The following NAALADL2 variants were observed in gnomAD, a reference collection of about 807,000 sequenced individuals.
NAALADL2 encodes the protein N-acetylated alpha-linked acidic dipeptidase like 2.
Under a neutral mutation model 87.2 loss-of-function variants are expected in NAALADL2, and 76 were observed. The ratio of observed to expected loss-of-function variants is 0.87; its 90% CI spans 0.72 to 1.05. NAALADL2 has a LOEUF of 1.05. NAALADL2 is among the 50% of genes least tolerant of loss of function. The probability of loss-of-function intolerance (pLI) is 0.00; values close to 1 mark genes in which losing one functional copy is unlikely to be tolerated. For missense variants in NAALADL2, 1,089 were observed against 945.8 expected (o/e 1.15, Z -1.99); for synonymous variants, 354 against 331.0 (o/e 1.07, Z -0.75).
At chr3:174,697,822 T>G (rs774921001) in intron 2 of NAALADL2, among the ~76,000 whole-genome samples, 2 of 152,204 alleles carry the variant, frequency 1.3e-5, no homozygotes, top group African/African-American at 2.4e-5. Context: ...CTGGACGCGG[T>G]GGCTCATGCC....
intron 5 of NAALADL2, among the ~76,000 whole-genome samples, chr3:175,386,653 C>A (rs1388590459): frequency 6.6e-6 from 1 of 152,066 alleles, no homozygotes; most frequent in Non-Finnish European, 1.5e-5. Context: ...ATAAAAAATT[C>A]TGGAAATAAA....
chr3:174,597,902 A>G (rs1341450679), intron 2 of NAALADL2, among the ~76,000 whole-genome samples: 2 of 152,278 alleles, frequency 1.3e-5, no homozygotes, highest in East Asian at 1.9e-4. Context: ...CCTGACTTTG[A>G]ACTGACTCAA....
chr3:175,393,536 C>G (rs1769355755), intron 5 of NAALADL2, among the ~76,000 whole-genome samples: 1 of 151,966 alleles, frequency 6.6e-6, no homozygotes, highest in Admixed American at 6.6e-5. Context: ...AAATGCATAT[C>G]CTTTTCTAAG....
chr3:174,472,835 C>T (rs759396013), intron 1 of NAALADL2, among the ~76,000 whole-genome samples: 4 of 152,150 alleles, frequency 2.6e-5, no homozygotes, highest in Non-Finnish European at 4.4e-5. Context: ...TGTTCAGAAC[C>T]ACATGTTGCA....
chr3:175,277,437 G>A (rs1263036366), intron 4 of NAALADL2, among the ~76,000 whole-genome samples: 1 of 152,046 alleles, frequency 6.6e-6, no homozygotes, highest in African/African-American at 2.4e-5. Context: ...TAAGGTAATG[G>A]TAATGCTGTG....
chr3:174,886,034 C>G (rs2109755295), intron 1 of NAALADL2, among the ~76,000 whole-genome samples: 1 of 151,386 alleles, frequency 6.6e-6, no homozygotes, highest in African/African-American at 2.4e-5. Flanking sequence ...CTGCCTCAGT[C>G]TCCTGAGTAG....
chr3:175,455,414 G>A (rs1581957792), intron 6 of NAALADL2, among the ~76,000 whole-genome samples: 1 of 151,996 alleles, frequency 6.6e-6, no homozygotes, highest in Non-Finnish European at 1.5e-5. Flanking sequence ...ATGATTTGTG[G>A]AAGTGTTTGG....
In NAALADL2 at chr3:174,508,750, A is replaced by C. The variant is rs183295951; in HGVS notation, c.-183-41819A>C. ...TGGTGTCATTTGAAGTGGCACTTAA[A>C]AAATTTTTAATTTCTGGCTGGGCGC... On this transcript the variant is annotated intron_variant, in intron 1 of 3. Transcript: ENST00000434257. Among the ~76,000 whole-genome samples the C allele has an allele frequency of 1.1e-3, 173 of 152,316 alleles. 1 individual carries two copies. Among genetic ancestry groups the C allele is most frequent in the African/African-American group, 4.1e-3 (171 of 41,574 alleles).
chr3:174,979,309 T>C (rs573359192), intron 1 of NAALADL2, among the ~76,000 whole-genome samples: 169 of 141,132 alleles, frequency 1.2e-3, no homozygotes, highest in South Asian at 2.9e-3. Flanking sequence ...CTTTTCTTTT[T>C]TTTTTTTTTT....
chr3:174,920,229 C>T (rs1209850410), intron 1 of NAALADL2, among the ~76,000 whole-genome samples: 1 of 152,172 alleles, frequency 6.6e-6, no homozygotes, highest in Non-Finnish European at 1.5e-5. Context: ...AGTCAGGCAT[C>T]GACTCCTCCT....
At chr3:174,706,941 C>G (rs1456308759) in intron 2 of NAALADL2, among the ~76,000 whole-genome samples, 2 of 152,086 alleles carry the variant, frequency 1.3e-5, no homozygotes, top group Non-Finnish European at 2.9e-5. Flanking sequence ...AGAACTCAAA[C>G]AAATTTACAA....
intron 10 of NAALADL2, among the ~76,000 whole-genome samples, chr3:175,587,732 A>AT (rs979874293): frequency 4.0e-5 from 6 of 151,838 alleles, no homozygotes; most frequent in Non-Finnish European, 7.4e-5. Context: ...TTCTTGACCT[A>AT]TTTTTCCTTT....
At chr3:175,353,117 T>TG (rs1347160347) in intron 5 of NAALADL2, among the ~76,000 whole-genome samples, 37 of 148,396 alleles carry the variant, frequency 2.5e-4, no homozygotes, top group Admixed American at 9.9e-4. Context: ...AATGTGTGTG[T>TG]GTGTGTGTGT....
At chr3:175,605,380 A>C (rs202084805) in intron 10 of NAALADL2, among the ~76,000 whole-genome samples, 1 of 10,586 alleles carries the variant, frequency 9.4e-5, no homozygotes, top group African/African-American at 2.2e-4. Flanking sequence ...TATTCCCATT[A>C]AAAAAAAGAT....
intron 4 of NAALADL2, among the ~76,000 whole-genome samples, chr3:175,319,082 C>T (rs1759512388): frequency 6.6e-6 from 1 of 152,216 alleles, no homozygotes; most frequent in Non-Finnish European, 1.5e-5. Context: ...CTCTCCCTCC[C>T]CCACATGGGT....
intron 2 of NAALADL2, among the ~76,000 whole-genome samples, chr3:174,726,415 T>A (rs1320692520): frequency 1.3e-5 from 2 of 152,168 alleles, no homozygotes; most frequent in East Asian, 3.8e-4. Context: ...TGTCATTAGT[T>A]ATAATTCTGG....
rs530713816 is a variant in NAALADL2 at position 174,578,684 on chromosome 3, A to G, written c.-115+28047A>G. ...CTTTGATGTACGGGAAGGAACAGAG[A>G]GTGGCAGAAATGGTACCTGTGCAAG... is the stretch of plus-strand genomic sequence containing the variant. On this transcript the variant is annotated intron_variant, in intron 2 of 3. Coordinates refer to the NAALADL2 transcript ENST00000434257. Among the ~76,000 whole-genome samples, 354 of 152,052 alleles carry G rather than the reference A, an allele frequency of 2.3e-3. 3 individuals carry two copies. The highest frequency in any genetic ancestry group is 4.0e-3 in the Non-Finnish European group (268 of 67,832).
chr3:175,350,472 G>T (rs999848404), intron 5 of NAALADL2, among the ~76,000 whole-genome samples: 2 of 152,118 alleles, frequency 1.3e-5, no homozygotes, highest in Non-Finnish European at 2.9e-5. Context: ...ACTCTGATGG[G>T]CAAACATGTT....
At chr3:174,494,463 G>C (rs1347445785) in intron 1 of NAALADL2, among the ~76,000 whole-genome samples, 1 of 149,334 alleles carries the variant, frequency 6.7e-6, no homozygotes. Flanking sequence ...ATCACACACC[G>C]GGGCCTGTCC....
Sources: gnomAD v4.1 joint callset for allele counts (sites outside exome capture counted in the v4.1 genomes callset) on GRCh38, gnomAD v4.1.1 for gene constraint, MANE v1.5 for transcripts, NCBI Gene and HGNC (gene_info 2026-07-23, HGNC 2026-07-21) for gene names.